Variants in CASTOR2 observed in about 807,000 individuals in gnomAD.
CASTOR2 encodes GATS protein like 2.
Under a neutral mutation model 31.2 loss-of-function variants are expected in CASTOR2, and 8 were observed. The ratio of observed to expected loss-of-function variants is 0.26; its 90% CI spans 0.15 to 0.46. CASTOR2 has a LOEUF of 0.46. CASTOR2 is among the 20% of genes least tolerant of loss of function. The probability of loss-of-function intolerance (pLI) is 0.99; values close to 1 mark genes in which losing one functional copy is unlikely to be tolerated. For synonymous variants in CASTOR2, 162 were observed against 158.7 expected (o/e 1.02, Z -0.16); for missense variants, 216 against 382.1 (o/e 0.57, Z 3.62).
chr7:75,023,960 T>C (rs1019167778), intron 7 of CASTOR2, among the ~76,000 whole-genome samples: 12 of 151,944 alleles, frequency 7.9e-5, no homozygotes, highest in African/African-American at 2.9e-4. Flanking sequence ...AGGCTCCTGG[T>C]TGGGGGACAT....
At chr7:75,016,248 G>T (rs1295227669) in intron 2 of CASTOR2, among the ~76,000 whole-genome samples, 2 of 152,344 alleles carry the variant, frequency 1.3e-5, no homozygotes, top group Non-Finnish European at 2.9e-5. Context: ...CATAGTGTGT[G>T]CCTGTGTCCC....
chr7:74,971,107 TGCCTCA>T (rs1373258613), intron 1 of CASTOR2, among the ~76,000 whole-genome samples: 3 of 149,416 alleles, frequency 2.0e-5, no homozygotes, highest in African/African-American at 7.4e-5. Context: ...GCAATTCTCC[TGCCTCA>T]GCCTCTGGAG....
intron 1 of CASTOR2, among the ~76,000 whole-genome samples, chr7:74,988,000 G>T (rs1414077463): frequency 6.8e-6 from 1 of 147,710 alleles, no homozygotes; most frequent in East Asian, 1.9e-4. Flanking sequence ...GAGTCACTGC[G>T]CCTGGCCTTT....
chr7:75,030,816 T>A lies in CASTOR2; in HGVS notation c.*6117T>A, dbSNP rs1805281958. Among the ~76,000 whole-genome samples the A allele has an allele frequency of 6.6e-6, 1 of 152,190 alleles. No individual in the cohort carries two copies. The highest frequency in any genetic ancestry group is 2.4e-5 in the African/African-American group (1 of 41,434). On this transcript the variant is annotated 3_prime_UTR_variant, in exon 9 of 9. Coordinates refer to ENST00000616305, the MANE Select transcript of CASTOR2 (RefSeq NM_001145064.3). ...AGCTCTGATTGGAAGGGGCTGGGGC[T>A]GCCCGTGCTGACTCTTCAAAGGCAT...
chr7:75,024,761 C>A lies in CASTOR2; in HGVS notation c.*62C>A, dbSNP rs1183452005. 1 of 1,551,438 alleles carries A rather than the reference C, an allele frequency of 6.4e-7. No individual in the cohort carries two copies. The highest frequency in any genetic ancestry group is 8.7e-7 in the Non-Finnish European group (1 of 1,146,814). On this transcript the variant is annotated 3_prime_UTR_variant, in exon 9 of 9. Coordinates refer to ENST00000616305, the MANE Select transcript of CASTOR2 (RefSeq NM_001145064.3). Reference sequence around the variant, plus strand: ...CCCAGCCCTAACCCTGAAGATTGATCTTGCAGTATTTCTCTACAGACTGGA... The same window carrying A: ...CCCAGCCCTAACCCTGAAGATTGATATTGCAGTATTTCTCTACAGACTGGA...
intron 1 of CASTOR2, among the ~76,000 whole-genome samples, chr7:74,987,123 G>A (rs1320377174): frequency 1.9e-4 from 29 of 151,964 alleles, no homozygotes; most frequent in African/African-American, 6.3e-4. Context: ...AGCCAGCACC[G>A]GCCGGGCGCA....
intron 4 of CASTOR2, 135 bp downstream of exon 4, chr7:75,018,257 G>A: frequency 6.7e-7 from 1 of 1,493,628 alleles, no homozygotes; most frequent in East Asian, 2.5e-5. Flanking sequence ...GGGATGCAAA[G>A]GGCCCAGTGT....
At chr7:75,017,885 C>T (rs1457424545) in intron 3 of CASTOR2, 94 bp downstream of exon 3, 73 of 1,613,576 alleles carry the variant, frequency 4.5e-5, no homozygotes, top group Admixed American at 1.3e-4. Context: ...TGCCCTTCCA[C>T]GCTATTCCAG....
chr7:74,964,734 C>G lies in CASTOR2; in HGVS notation c.-252C>G, dbSNP rs1219796581. On this transcript the variant is annotated 5_prime_UTR_variant, in exon 1 of 9. Transcript: ENST00000616305. ...GCTCCCCGCGCCGGGCGCCGCGCGC[C>G]GCTGCTCCGCCGCTCGGCCCCTCGG... 4 of 97,086 alleles carry G rather than the reference C, an allele frequency of 4.1e-5. No individual in the cohort carries two copies. The highest frequency in any genetic ancestry group is 8.2e-5 in the Non-Finnish European group (4 of 48,754). The allele number at this position is 97,086 out of a possible 1,614,324, so 6.0% of individuals were successfully genotyped here. A position where few individuals can be genotyped will look rare whatever the true frequency, so the allele number is the denominator to read the frequency against.
At chr7:74,992,239 C>T (rs1255079656) in intron 1 of CASTOR2, among the ~76,000 whole-genome samples, 1 of 152,102 alleles carries the variant, frequency 6.6e-6, no homozygotes, top group Non-Finnish European at 1.5e-5. Context: ...CATCCCTTCT[C>T]TGATCCTGGG....
chr7:75,022,473 C>T (rs1805028808), intron 7 of CASTOR2, among the ~76,000 whole-genome samples: 1 of 83,716 alleles, frequency 1.2e-5, no homozygotes, highest in Non-Finnish European at 2.6e-5. Context: ...CCATTGTACT[C>T]CAACCTGGGT....
At chr7:74,987,470 G>A (rs1444375338) in intron 1 of CASTOR2, among the ~76,000 whole-genome samples, 3 of 151,884 alleles carry the variant, frequency 2.0e-5, no homozygotes, top group African/African-American at 7.3e-5. Flanking sequence ...TTCTTAAGTC[G>A]CTCAAACACA....
chr7:75,024,246 C>G (rs1805072324), intron 7 of CASTOR2, among the ~76,000 whole-genome samples, 194 bp from the exon 8 acceptor site: 1 of 152,100 alleles, frequency 6.6e-6, no homozygotes, highest in South Asian at 2.1e-4. Flanking sequence ...AGTGAGCTCA[C>G]GCCAGTGCAC....
At position 75,024,953 on chromosome 7, in the gene CASTOR2, C is replaced by T. The variant is rs1484806801; in HGVS notation, c.*254C>T. ...TTTCTCTTCCCTACCTCCCCCACCCCGGAAAATGCTTTCGGAGGCCCAGGG... is the reference window on the plus strand; with the variant it reads ...TTTCTCTTCCCTACCTCCCCCACCCTGGAAAATGCTTTCGGAGGCCCAGGG... On this transcript the variant is annotated 3_prime_UTR_variant, in exon 9 of 9. Coordinates refer to ENST00000616305, the MANE Select transcript of CASTOR2 (RefSeq NM_001145064.3). 5.3e-6 allele frequency: 2 copies of T among 374,286 alleles called. No individual in the cohort carries two copies. Among genetic ancestry groups the T allele is most frequent in the Non-Finnish European group, 7.4e-6 (2 of 271,526 alleles). 23.2% of individuals were successfully genotyped at this position (374,286 alleles called of 1,614,324 possible). A position where few individuals can be genotyped will look rare whatever the true frequency, so the allele number is the denominator to read the frequency against.
intron 1 of CASTOR2, among the ~76,000 whole-genome samples, chr7:75,004,192 G>T (rs1349578592): frequency 6.6e-6 from 1 of 152,098 alleles, no homozygotes; most frequent in African/African-American, 2.4e-5. Context: ...AGTTCCTGGG[G>T]GTCCCTAGGA....
rs1458831463 is a variant in CASTOR2, at chr7:74,972,099, C to T, written c.113+7001C>T. Among the ~76,000 whole-genome samples the T allele has an allele frequency of 8.1e-5, 12 of 147,634 alleles. No individual in the cohort carries two copies. In the South Asian group the frequency reaches 1.8e-3, roughly 22 times the overall value. On this transcript the variant is annotated intron_variant, in intron 1 of 8. Coordinates refer to ENST00000616305, the MANE Select transcript of CASTOR2 (RefSeq NM_001145064.3). The stretch of plus-strand genomic sequence containing the variant: ...GCTCAAGGTATCCTCCTGCCTCAGC[C>T]GCCCGAATAGCTGGGACTCCAGGCA...
chr7:75,006,422 G>A (rs1208797746), intron 1 of CASTOR2, among the ~76,000 whole-genome samples: 1 of 152,222 alleles, frequency 6.6e-6, no homozygotes, highest in Non-Finnish European at 1.5e-5. Flanking sequence ...AGGAGCTGGA[G>A]AGGTTCTATA....
chr7:75,024,844 A>G lies in CASTOR2; in HGVS notation c.*145A>G, dbSNP rs1460862588. On this transcript the variant is annotated 3_prime_UTR_variant, in exon 9 of 9. Coordinates refer to ENST00000616305, the MANE Select transcript of CASTOR2 (RefSeq NM_001145064.3). ...CTGTGGGAGACTCCCTCGATTGCCA[A>G]TCCCTCCAGGGCAGGGGCCCACGCC... The G allele has an allele frequency of 1.2e-5, 19 of 1,543,794 alleles. No homozygotes were observed. The highest frequency in any genetic ancestry group is 2.7e-5 in the African/African-American group (2 of 72,836).
rs1804165127 is a variant in CASTOR2 at position 74,989,875 on chromosome 7, G to A, written c.114-18119G>A. 3.9e-5 allele frequency among the ~76,000 whole-genome samples: 6 copies of A among 152,186 alleles called. No individual in the cohort carries two copies. The South Asian group carries it at 6.2e-4, about 16-fold the overall frequency. On this transcript the variant is annotated intron_variant, in intron 1 of 8. Coordinates refer to ENST00000616305, the MANE Select transcript of CASTOR2 (RefSeq NM_001145064.3). ...CCTCCAGTTGTTGGGAAAGGAGCAC[G>A]GAACACTTTCTGCAATGATGGGAAT...
Sources: gnomAD v4.1 joint callset for allele counts (sites outside exome capture counted in the v4.1 genomes callset) on GRCh38, gnomAD v4.1.1 for gene constraint, MANE v1.5 for transcripts, NCBI Gene and HGNC (gene_info 2026-07-23, HGNC 2026-07-21) for gene names.